MYBPC3: variants seen among roughly 807,000 people sequenced by gnomAD.
The protein encoded by MYBPC3 is myosin binding protein C3.
In MYBPC3, 108 loss-of-function variants were observed where a neutral mutation model predicts 159.3. That is an observed-to-expected ratio of 0.68 (90% confidence interval 0.58 to 0.80). The LOEUF (loss-of-function observed/expected upper bound fraction) is 0.80, where lower values mean the gene tolerates loss of function less well. Ranked by LOEUF, MYBPC3 falls within the 30% of genes least tolerant of loss-of-function variation. The pLI is 0.00. For synonymous variants in MYBPC3, 730 were observed against 702.0 expected (o/e 1.04, Z -0.63); for missense variants, 1,631 against 1,762.1 (o/e 0.93, Z 1.33).
chr11:47,332,485 G>C lies in MYBPC3; in HGVS notation c.3627+81C>G. ...GGTGGAGAGAAAGCAGGGGAGACAG[G>C]CTGGGGAGAGGACTGCTCAACGTCG... On this transcript the variant is annotated intron_variant, in intron 32 of 34. Transcript: ENST00000545968. The surrounding 1 kb of genome is among the most constrained non-coding windows in gnomAD (Gnocchi z 4.2). 6.5e-7 allele frequency: 1 copy of C among 1,542,850 alleles called. No individual in the cohort carries two copies. Among genetic ancestry groups the C allele is most frequent in the South Asian group, 1.2e-5 (1 of 80,698 alleles).
chr11:47,338,469 C>T lies in MYBPC3; in HGVS notation c.2308+51G>A. On this transcript the variant is annotated intron_variant, in intron 23 of 34. Transcript: ENST00000545968. The surrounding 1 kb of genome is among the most constrained non-coding windows in gnomAD (Gnocchi z 4.7). ...CTGAATGAGCGAACGGATGGGCCCT[C>T]CTTGGGGCTGCCCCTCTGTGTTCTC... is the stretch of plus-strand genomic sequence containing the variant. 3 of 1,611,778 alleles carry T rather than the reference C, an allele frequency of 1.9e-6. No individual in the cohort carries two copies. Among genetic ancestry groups the T allele is most frequent in the Admixed American group, 1.7e-5 (1 of 59,950 alleles).
Position 47,338,395 on chromosome 11 carries a change from C to A in MYBPC3, c.2308+125G>T. 1 of 1,388,416 alleles carries A rather than the reference C, an allele frequency of 7.2e-7. No individual in the cohort carries two copies. The allele number at this position is 1,388,416 out of a possible 1,614,324, so 86.0% of individuals were successfully genotyped here. On this transcript the variant is annotated intron_variant, in intron 23 of 34. Coordinates refer to ENST00000545968, the MANE Select transcript of MYBPC3 (RefSeq NM_000256.3). The surrounding 1 kb of genome is among the most constrained non-coding windows in gnomAD (Gnocchi z 4.7). ...GCTCCTTTTGGGCAGAAAAACCTGT[C>A]CTGTTGCCGCTCGGCTCAGGGAGCA...
intron 4 of MYBPC3, 45 bp downstream of exon 4, chr11:47,349,968 GC>G (rs747036965): frequency 3.2e-6 from 5 of 1,565,190 alleles, no homozygotes; most frequent in East Asian, 4.8e-5. Context: ...GTGTCCTGCT[GC>G]CCCCCCTTCC....
chr11:47,347,599 C>T lies in MYBPC3; in HGVS notation c.851+52G>A, dbSNP rs1389512099. 3 of 1,563,488 alleles carry T rather than the reference C, an allele frequency of 1.9e-6. No individual in the cohort carries two copies. In the East Asian group the frequency reaches 7.1e-5, roughly 37 times the overall value. On this transcript the variant is annotated intron_variant, in intron 8 of 34. Coordinates refer to ENST00000545968, the MANE Select transcript of MYBPC3 (RefSeq NM_000256.3). The stretch of plus-strand genomic sequence containing the variant: ...AGCCAGATTGGGCTCCCACCCGTCT[C>T]AGACCCCTGGGGGTCTGCGGATGGT...
chr11:47,348,740 C>T (rs930363237), intron 5 of MYBPC3, among the ~76,000 whole-genome samples, 199 bp from the exon 6 acceptor site: 1 of 151,074 alleles, frequency 6.6e-6, no homozygotes, highest in Admixed American at 6.6e-5. Flanking sequence ...TCCGTCTCTA[C>T]TAAAAATAAC....
chr11:47,336,033 G>A (rs1464688130), intron 25 of MYBPC3, 22 bp from the exon 26 acceptor site: 1 of 1,464,832 alleles, frequency 6.8e-7, no homozygotes, highest in Non-Finnish European at 9.1e-7. Flanking sequence ...AGAGGTCAGA[G>A]AGGGGTCTGA....
At chr11:47,350,655 C>T in intron 2 of MYBPC3, 40 bp from the exon 3 acceptor site, 1 of 1,433,746 alleles carries the variant, frequency 7.0e-7, no homozygotes, top group Non-Finnish European at 9.1e-7. Flanking sequence ...CAGCCACTAA[C>T]CAGAGACCCC....
chr11:47,339,685 G>A lies in MYBPC3; in HGVS notation c.2033C>T (p.Ala678Val). 6.2e-7 allele frequency: 1 copy of A among 1,612,170 alleles called. No individual in the cohort carries two copies. The highest frequency in any genetic ancestry group is 8.5e-7 in the Non-Finnish European group (1 of 1,178,850). The change falls in exon 21 of 35, where the codon GCT becomes GTT. Residue 678 changes from alanine to valine, a missense_variant. Ala to Val is a moderately conservative substitution (Grantham distance 64, BLOSUM62 0). Transcript: ENST00000545968. ...AGCCTTCTGCCAGATCACAGTGGGA[G>A]CAGGGTCCCCAGAGATAGGGACGTC... ...RLDVPISGDP[A>V]PTVIWQKAIT...
intron 3 of MYBPC3, 105 bp from the exon 4 acceptor site, chr11:47,350,217 A>G (rs1010819406): frequency 4.7e-5 from 62 of 1,313,306 alleles, no homozygotes; most frequent in Admixed American, 1.1e-4. Flanking sequence ...TCCGCCTCCC[A>G]GGTTCACACC....
rs1213000423 is a variant in MYBPC3 at position 47,338,205 on chromosome 11, G to A, written c.2308+315C>T. Among the ~76,000 whole-genome samples the A allele has an allele frequency of 6.6e-6, 1 of 151,898 alleles. No individual in the cohort carries two copies. The highest frequency in any genetic ancestry group is 6.6e-5 in the Admixed American group (1 of 15,254). Reference sequence around the variant, plus strand: ...CCTTTGTACACAGTTTCCTCTGCCTGGGATGCCTTTCCTCACCATCTTCTC... The same window carrying A: ...CCTTTGTACACAGTTTCCTCTGCCTAGGATGCCTTTCCTCACCATCTTCTC... On this transcript the variant is annotated intron_variant, in intron 23 of 34. Coordinates refer to ENST00000545968, the MANE Select transcript of MYBPC3 (RefSeq NM_000256.3). This position sits in a 1 kb window ranked among gnomAD's most constrained non-coding sequence, Gnocchi z 4.7.
Position 47,335,042 on chromosome 11 carries a change from G to A in MYBPC3, c.2905C>T (p.Gln969Ter), listed in dbSNP as rs397515992. ...TEPVTVQEILQRPRLQLPRHL... is the reference protein window; with the variant it reads ...TEPVTVQEIL ...TGTGACTGCACAAAGGGGCACTCAC[G>A]CAGGATCTCCTGCACTGTCACCGGC... is the stretch of plus-strand genomic sequence containing the variant. Residue 969 changes from glutamine (Q) to a stop codon, truncating the protein, a stop_gained and splice_region_variant, in exon 27 of 35, where the codon CAA becomes TAA. Transcript: ENST00000545968. LOFTEE classifies it high-confidence loss of function. 3 of 1,533,598 alleles carry A rather than the reference G, an allele frequency of 2.0e-6. No individual in the cohort carries two copies. Among genetic ancestry groups the A allele is most frequent in the Non-Finnish European group, 2.6e-6 (3 of 1,133,640 alleles). The allele number at this position is 1,533,598 out of a possible 1,614,324, so 95.0% of individuals were successfully genotyped here. A position where few individuals can be genotyped will look rare whatever the true frequency, so the allele number is the denominator to read the frequency against.
Position 47,332,777 on chromosome 11 carries a change from G to C in MYBPC3, c.3490+37C>G, listed in dbSNP as rs768243342. ...CTCTCCCTGTTCCCACAGCCTCCCT[G>C]CCCCAGCCCCTGGTTGGAAGAATGA... On this transcript the variant is annotated intron_variant, in intron 31 of 34. Coordinates refer to ENST00000545968, the MANE Select transcript of MYBPC3 (RefSeq NM_000256.3). This position sits in a 1 kb window ranked among gnomAD's most constrained non-coding sequence, Gnocchi z 4.2. 6.3e-7 allele frequency: 1 copy of C among 1,588,432 alleles called. No individual in the cohort carries two copies. Among genetic ancestry groups the C allele is most frequent in the East Asian group, 2.3e-5 (1 of 43,664 alleles).
intron 7 of MYBPC3, 61 bp downstream of exon 7, chr11:47,347,796 A>G: frequency 1.9e-6 from 3 of 1,546,074 alleles, no homozygotes; most frequent in Non-Finnish European, 2.6e-6. Flanking sequence ...CCCAGTCGAG[A>G]CCCTGAAGGG....
chr11:47,348,859 T>G (rs2142866734), intron 5 of MYBPC3, among the ~76,000 whole-genome samples: 1 of 128,070 alleles, frequency 7.8e-6, no homozygotes, highest in South Asian at 2.7e-4. Context: ...GAGCCGAGAT[T>G]GAGCCACTGC....
chr11:47,342,949 G>T lies in MYBPC3; in HGVS notation c.1352-14C>A, dbSNP rs571087851. On this transcript the variant is annotated splice_polypyrimidine_tract_variant and intron_variant, in intron 15 of 34. Coordinates refer to ENST00000545968, the MANE Select transcript of MYBPC3 (RefSeq NM_000256.3). Reference sequence around the variant, plus strand: ...GCACAGGGGGCTCTGTCCAGGCAGGGTGAGCATGAGGGTTGGCTCCCCTGA... The same window carrying T: ...GCACAGGGGGCTCTGTCCAGGCAGGTTGAGCATGAGGGTTGGCTCCCCTGA... The T allele has an allele frequency of 3.1e-6, 5 of 1,611,316 alleles. No homozygotes were observed. Among genetic ancestry groups the T allele is most frequent in the Non-Finnish European group, 4.2e-6 (5 of 1,178,874 alleles).
At chr11:47,336,861 C>T (rs946889696) in intron 25 of MYBPC3, among the ~76,000 whole-genome samples, 1 of 152,224 alleles carries the variant, frequency 6.6e-6, no homozygotes, top group Non-Finnish European at 1.5e-5. Flanking sequence ...GTTGGCCCCC[C>T]GGGGACCATG....
rs1445792636 is a variant in MYBPC3 at position 47,351,171 on chromosome 11, A to C, written c.292+68T>G. ...AAAGCACCTCCTGTTCCCTGGATGG[A>C]TGGAGAGTCGCTGGGCTGCCCCTCC... On this transcript the variant is annotated intron_variant, in intron 2 of 34. Coordinates refer to ENST00000545968, the MANE Select transcript of MYBPC3 (RefSeq NM_000256.3). The surrounding 1 kb of genome is among the most constrained non-coding windows in gnomAD (Gnocchi z 4.2). 2 of 1,441,184 alleles carry C rather than the reference A, an allele frequency of 1.4e-6. No homozygotes were observed. Among genetic ancestry groups the C allele is most frequent in the Admixed American group, 5.1e-5 (2 of 38,854 alleles). The allele number at this position is 1,441,184 out of a possible 1,614,324, so 89.3% of individuals were successfully genotyped here.
At position 47,351,617 on chromosome 11, in the gene MYBPC3, ATACTC is replaced by A. The variant is rs1160041467; in HGVS notation, c.26-117_26-113del. 3.8e-5 allele frequency: 46 copies of A among 1,200,204 alleles called. No homozygotes were observed. Among genetic ancestry groups the A allele is most frequent in the Non-Finnish European group, 2.2e-6 (2 of 890,384 alleles). The allele number at this position is 1,200,204 out of a possible 1,614,324, so 74.3% of individuals were successfully genotyped here. A position where few individuals can be genotyped will look rare whatever the true frequency, so the allele number is the denominator to read the frequency against. On this transcript the variant is annotated intron_variant, in intron 1 of 34. Coordinates refer to ENST00000545968, the MANE Select transcript of MYBPC3 (RefSeq NM_000256.3). The surrounding 1 kb of genome is among the most constrained non-coding windows in gnomAD (Gnocchi z 4.2). Reference sequence around the variant, plus strand: ...CACTTTCTATGCATCCCCTCACGTAATACTCTACCAGTTCTCTGAGGTAGTTGCAG... The same window carrying A: ...CACTTTCTATGCATCCCCTCACGTAATACCAGTTCTCTGAGGTAGTTGCAG...
intron 5 of MYBPC3, among the ~76,000 whole-genome samples, 151 bp downstream of exon 5, chr11:47,349,616 GGGCCCCT>G (rs2095898198): frequency 6.6e-6 from 1 of 152,084 alleles, no homozygotes. Context: ...ATCTCCCTGT[GGGCCCCT>G]GGCCCCTCCA....
Sources: gnomAD v4.1 joint callset for allele counts (sites outside exome capture counted in the v4.1 genomes callset) on GRCh38, gnomAD v4.1.1 for gene constraint, Gnocchi (gnomAD v3.1) non-coding constraint, MANE v1.5 for transcripts, NCBI Gene and HGNC (gene_info 2026-07-23, HGNC 2026-07-21) for gene names.